The following CHD9 variants were observed in gnomAD, a reference collection of about 807,000 sequenced individuals.
CHD9 encodes the protein ATP-dependent chromatin remodeler CHD9.
CHD9 carries 77 observed loss-of-function variants against 316.1 expected under a neutral mutation model. That is an observed-to-expected ratio of 0.24 (90% CI 0.20 to 0.29). The LOEUF is 0.29. CHD9 is among the 10% of genes least tolerant of loss of function. CHD9 has a pLI of 1.00. For missense variants in CHD9, 2,763 were observed against 3,438.1 expected, an observed-to-expected ratio of 0.80 and a Z score of 4.91; for synonymous variants, 1,129 against 1,158.3, an observed-to-expected ratio of 0.97 and a Z score of 0.51.
At chr16:53,291,414 A>T (rs2054320317) in intron 27 of CHD9, among the ~76,000 whole-genome samples, 1 of 152,226 alleles carries the variant, frequency 6.6e-6, no homozygotes, top group Non-Finnish European at 1.5e-5. Flanking sequence ...ACACTTAGTT[A>T]GCAATAAAAC....
chr16:53,292,357 C>T (rs1288876031), intron 28 of CHD9, among the ~76,000 whole-genome samples: 1 of 152,202 alleles, frequency 6.6e-6, no homozygotes, highest in Non-Finnish European at 1.5e-5. Context: ...AGATCCTATA[C>T]TTACTAGGTG....
At chr16:53,301,046 G>A (rs1237756743) in intron 30 of CHD9, among the ~76,000 whole-genome samples, 5 of 151,958 alleles carry the variant, frequency 3.3e-5, no homozygotes, top group South Asian at 2.1e-4. Context: ...GCACTCCAGC[G>A]TGGGCAACAG....
intron 2 of CHD9, among the ~76,000 whole-genome samples, chr16:53,201,845 G>T (rs1238546081): frequency 7.0e-6 from 1 of 143,174 alleles, no homozygotes; most frequent in Non-Finnish European, 1.5e-5. Context: ...TCAGTTTGAG[G>T]TTTTTTTTTT....
chr16:53,319,237 C>T (rs1040950828), intron 37 of CHD9, among the ~76,000 whole-genome samples: 1 of 152,160 alleles, frequency 6.6e-6, no homozygotes, highest in African/African-American at 2.4e-5. Context: ...AAGTACATCA[C>T]ATTTCTCATT....
At chr16:53,132,540 A>G (rs1013406712) in intron 1 of CHD9, among the ~76,000 whole-genome samples, 1 of 152,216 alleles carries the variant, frequency 6.6e-6, no homozygotes, top group Admixed American at 6.5e-5. Context: ...ACAAAAGCTG[A>G]ACTTAAAGGA....
chr16:53,301,789 G>A (rs1349077952), intron 30 of CHD9, among the ~76,000 whole-genome samples: 1 of 129,026 alleles, frequency 7.8e-6, no homozygotes, highest in Non-Finnish European at 1.6e-5. Context: ...TTTTTGAGAT[G>A]GAGTCTCGCT....
intron 11 of CHD9, among the ~76,000 whole-genome samples, chr16:53,237,987 A>G (rs1357520669): frequency 4.6e-5 from 7 of 152,120 alleles, no homozygotes; most frequent in Admixed American, 4.6e-4. Context: ...AAAGGCAGAG[A>G]ACATGTTTTA....
intron 24 of CHD9, among the ~76,000 whole-genome samples, chr16:53,284,353 A>G (rs572155244): frequency 1.1e-4 from 16 of 148,014 alleles, no homozygotes; most frequent in East Asian, 9.7e-4. Context: ...GTGTGTGTGT[A>G]TATATATATA....
At chr16:53,073,904 A>C (rs1209909485) in intron 1 of CHD9, among the ~76,000 whole-genome samples, 1 of 152,210 alleles carries the variant, frequency 6.6e-6, no homozygotes, top group Non-Finnish European at 1.5e-5. Context: ...GCGCTGCTGA[A>C]AAGATACCCA....
chr16:53,300,627 A>G (rs923598797), intron 30 of CHD9, among the ~76,000 whole-genome samples: 1 of 152,200 alleles, frequency 6.6e-6, no homozygotes, highest in Non-Finnish European at 1.5e-5. Context: ...ACCTATTTCT[A>G]TGTTAATAGA....
intron 30 of CHD9, chr16:53,299,509 T>C (rs997365195): frequency 3.6e-6 from 1 of 281,074 alleles, no homozygotes; most frequent in Non-Finnish European, 7.0e-6. Flanking sequence ...ATCTTCAAAA[T>C]TTACGTTTTC....
chr16:53,180,303 G>A (rs2043404303), intron 2 of CHD9, among the ~76,000 whole-genome samples: 1 of 151,954 alleles, frequency 6.6e-6, no homozygotes, highest in African/African-American at 2.4e-5. Flanking sequence ...CACCGCCCCC[G>A]GCCTTACCTT....
intron 2 of CHD9, among the ~76,000 whole-genome samples, chr16:53,182,310 C>A (rs1189288131): frequency 2.6e-5 from 4 of 152,104 alleles, no homozygotes; most frequent in Non-Finnish European, 5.9e-5. Flanking sequence ...TCTTCTCATC[C>A]CAACCTCCCA....
intron 2 of CHD9, among the ~76,000 whole-genome samples, chr16:53,177,951 A>G (rs143744202): frequency 5.3e-5 from 8 of 152,278 alleles, no homozygotes; most frequent in Non-Finnish European, 7.4e-5. Flanking sequence ...TTCTCAGGCT[A>G]TGTATGTAAG....
At chr16:53,234,473 T>C (rs903576786) in intron 10 of CHD9, among the ~76,000 whole-genome samples, 1 of 152,204 alleles carries the variant, frequency 6.6e-6, no homozygotes, top group African/African-American at 2.4e-5. Flanking sequence ...TTTTTCATAG[T>C]TGTACTATAA....
intron 1 of CHD9, among the ~76,000 whole-genome samples, chr16:53,065,984 C>G (rs544052468): frequency 5.9e-5 from 9 of 152,282 alleles, no homozygotes; most frequent in Admixed American, 3.3e-4. Context: ...ACAGATGTTG[C>G]GTGCAGTTCA....
rs1386777981 is a variant in CHD9 at position 53,190,453 on chromosome 16, A to G, written c.1453-19029A>G. ...CAAGGAGGAGGAAATACAAGGCTGCATCTCAGAATTTTACATGAATCTGAG... is the reference window on the plus strand; with the variant it reads ...CAAGGAGGAGGAAATACAAGGCTGCGTCTCAGAATTTTACATGAATCTGAG... On this transcript the variant is annotated intron_variant, in intron 2 of 38. Coordinates refer to ENST00000447540, the MANE Select transcript of CHD9 (RefSeq NM_001308319.2). 2.0e-5 allele frequency among the ~76,000 whole-genome samples: 3 copies of G among 152,128 alleles called. No individual in the cohort carries two copies. In the East Asian group the frequency reaches 5.8e-4, roughly 29 times the overall value.
chr16:53,238,267 TA>T (rs2048799208), intron 11 of CHD9, 75 bp from the exon 12 acceptor site: 1 of 1,251,168 alleles, frequency 8.0e-7, no homozygotes, highest in South Asian at 1.6e-5. Flanking sequence ...GATCTTTGAT[TA>T]TTTTTGTATA....
At chr16:53,131,254 GGGGGC>G (rs957254379) in intron 1 of CHD9, 4 of 150,032 alleles carry the variant, frequency 2.7e-5, no homozygotes, top group Non-Finnish European at 4.4e-5. Context: ...GGGGGGCGGC[GGGGGC>G]GCCTCAGTCA....
Sources: allele counts gnomAD v4.1 joint callset (sites outside exome capture counted in the v4.1 genomes callset), GRCh38; gene constraint gnomAD v4.1.1; transcripts MANE v1.5; gene names NCBI Gene and HGNC (gene_info 2026-07-23, HGNC 2026-07-21).